The following DDX10 variants were observed in gnomAD, a reference collection of about 807,000 sequenced individuals.
DDX10 encodes the protein DEAD-box helicase 10.
DDX10 carries 74 observed loss-of-function variants against 104.3 expected under a neutral mutation model. The observed-to-expected ratio is 0.71, with a 90% CI of 0.59 to 0.86. The LOEUF is 0.86. Among genes scored for constraint, DDX10 ranks in the 40% least tolerant of loss-of-function variants. The pLI, the probability that DDX10 is intolerant of heterozygous loss-of-function variation, is 0.00. For missense variants in DDX10, 952 were observed against 1,040.0 expected, an observed-to-expected ratio of 0.92 and a Z score of 1.16; for synonymous variants, 351 against 353.4, an observed-to-expected ratio of 0.99 and a Z score of 0.08.
chr11:108,864,712 A>C (rs1862985954), intron 16 of DDX10, among the ~76,000 whole-genome samples: 1 of 152,118 alleles, frequency 6.6e-6, no homozygotes, highest in Non-Finnish European at 1.5e-5. Flanking sequence ...CTCTCACCTC[A>C]GCCTTCCAAA....
At chr11:108,843,609 A>G (rs1282333573) in intron 15 of DDX10, among the ~76,000 whole-genome samples, 1 of 151,984 alleles carries the variant, frequency 6.6e-6, no homozygotes, top group Non-Finnish European at 1.5e-5. Flanking sequence ...TACAAAAATT[A>G]GCTGTGCATG....
intron 13 of DDX10, among the ~76,000 whole-genome samples, chr11:108,729,507 G>T (rs2094309382): frequency 6.6e-6 from 1 of 151,960 alleles, no homozygotes. Flanking sequence ...TGACAGTGCA[G>T]CTCGACTGAG....
intron 16 of DDX10, among the ~76,000 whole-genome samples, chr11:108,874,027 A>G (rs1274393060): frequency 6.6e-6 from 1 of 152,178 alleles, no homozygotes; most frequent in Non-Finnish European, 1.5e-5. Flanking sequence ...GATGCATTCT[A>G]TTTAATCTGC....
At chr11:108,807,344 A>C (rs2134564504) in intron 13 of DDX10, among the ~76,000 whole-genome samples, 1 of 152,264 alleles carries the variant, frequency 6.6e-6, no homozygotes, top group East Asian at 1.9e-4. Context: ...TTATGGGTTC[A>C]AATTTATATT....
intron 13 of DDX10, among the ~76,000 whole-genome samples, chr11:108,783,354 T>G (rs1016671831): frequency 6.6e-6 from 1 of 152,112 alleles, no homozygotes; most frequent in Non-Finnish European, 1.5e-5. Flanking sequence ...AAGGTTTTAT[T>G]CAAGTGGTAG....
intron 17 of DDX10, among the ~76,000 whole-genome samples, chr11:108,933,417 A>G (rs967149326): frequency 6.6e-6 from 1 of 152,206 alleles, no homozygotes; most frequent in African/African-American, 2.4e-5. Context: ...AGTTTGGTCA[A>G]AAGAGAGTAT....
chr11:108,670,764 C>T (rs986996471), intron 1 of DDX10, among the ~76,000 whole-genome samples: 9 of 152,008 alleles, frequency 5.9e-5, no homozygotes, highest in African/African-American at 2.2e-4. Flanking sequence ...AGACTGTAAT[C>T]AGCTGTACTG....
intron 6 of DDX10, among the ~76,000 whole-genome samples, chr11:108,685,537 C>T (rs1469386915): frequency 2.6e-5 from 4 of 152,136 alleles, no homozygotes; most frequent in East Asian, 1.9e-4. Context: ...TGTTCCTATT[C>T]GGCCATCTTG....
chr11:108,743,308 G>A (rs1341984698), intron 13 of DDX10, among the ~76,000 whole-genome samples: 2 of 152,080 alleles, frequency 1.3e-5, no homozygotes, highest in Non-Finnish European at 2.9e-5. Context: ...ATTCAGAAAA[G>A]GCTTTCAGTA....
At chr11:108,899,352 A>G (rs1353308716) in intron 16 of DDX10, among the ~76,000 whole-genome samples, 3 of 152,194 alleles carry the variant, frequency 2.0e-5, no homozygotes, top group South Asian at 2.1e-4. Context: ...TTTAAAACCA[A>G]TTACAGAGAT....
intron 16 of DDX10, among the ~76,000 whole-genome samples, chr11:108,876,199 A>G (rs560484801): frequency 6.6e-6 from 1 of 152,028 alleles, no homozygotes; most frequent in Non-Finnish European, 1.5e-5. Context: ...TTTGGTGTTG[A>G]TTTTTGTGAT....
At chr11:108,899,643 T>C (rs1184436361) in intron 16 of DDX10, among the ~76,000 whole-genome samples, 1 of 152,190 alleles carries the variant, frequency 6.6e-6, no homozygotes, top group Non-Finnish European at 1.5e-5. Context: ...ACTTTACCTT[T>C]ACCTGGTGAT....
chr11:108,732,887 G>A (rs2094314007), intron 13 of DDX10, among the ~76,000 whole-genome samples: 1 of 152,198 alleles, frequency 6.6e-6, no homozygotes. Context: ...TTCCTTAAAT[G>A]TGAGAATGAA....
chr11:108,833,160 T>C (rs1278127310), intron 13 of DDX10, among the ~76,000 whole-genome samples: 2 of 152,232 alleles, frequency 1.3e-5, no homozygotes, highest in Admixed American at 1.3e-4. Context: ...GATGTGCTGG[T>C]GATGCCACAG....
intron 17 of DDX10, chr11:108,921,398 A>G (rs1262587949): frequency 6.6e-6 from 1 of 152,218 alleles, no homozygotes; most frequent in Non-Finnish European, 1.5e-5. Flanking sequence ...CTGGAAGCAT[A>G]CAGCTTCCAT....
chr11:108,827,493 A>G (rs1862411434), intron 13 of DDX10, among the ~76,000 whole-genome samples: 1 of 152,218 alleles, frequency 6.6e-6, no homozygotes, highest in Non-Finnish European at 1.5e-5. Context: ...GCATATGGTC[A>G]AGGTTTACTA....
chr11:108,915,208 C>A (rs1863731189), intron 16 of DDX10, among the ~76,000 whole-genome samples: 1 of 152,140 alleles, frequency 6.6e-6, no homozygotes, highest in African/African-American at 2.4e-5. Context: ...CTAGACATAT[C>A]ATGGTCAACT....
Position 108,917,853 on chromosome 11 carries a change from C to G in DDX10, c.2305-20C>G. 6.2e-7 allele frequency: 1 copy of G among 1,607,436 alleles called. No homozygotes were observed. Among genetic ancestry groups the G allele is most frequent in the Non-Finnish European group, 8.5e-7 (1 of 1,178,576 alleles). ...CAACTGACTTCTTCAACTGCAGTTT[C>G]CCTTATTATTATTTTTTAGGCCAAA... On this transcript the variant is annotated intron_variant, in intron 16 of 17. Coordinates refer to ENST00000322536, the MANE Select transcript of DDX10 (RefSeq NM_004398.4).
intron 13 of DDX10, among the ~76,000 whole-genome samples, chr11:108,769,601 T>C (rs974885493): frequency 2.0e-5 from 3 of 152,194 alleles, no homozygotes; most frequent in African/African-American, 4.8e-5. Flanking sequence ...TGTGTTGATT[T>C]TCACAATGAT....
Sources: gnomAD v4.1 joint callset for allele counts (sites outside exome capture counted in the v4.1 genomes callset) on GRCh38, gnomAD v4.1.1 for gene constraint, MANE v1.5 for transcripts, NCBI Gene and HGNC (gene_info 2026-07-23, HGNC 2026-07-21) for gene names.